IGF2R: variants seen among roughly 807,000 people sequenced by gnomAD.
The protein encoded by IGF2R is insulin like growth factor 2 receptor, also known as cation-independent mannose-6-phosphate receptor.
In IGF2R, 91 loss-of-function variants were observed where a neutral mutation model predicts 270.6. The observed-to-expected ratio is 0.34, with a 90% CI of 0.28 to 0.40. The LOEUF is 0.40. IGF2R is among the 10% of genes least tolerant of loss of function. IGF2R has a pLI of 1.00. For synonymous variants in IGF2R, 1,316 were observed against 1,258.9 expected, an observed-to-expected ratio of 1.05 and a Z score of -0.96; for missense variants, 2,805 against 3,188.3, an observed-to-expected ratio of 0.88 and a Z score of 2.90.
intron 2 of IGF2R, among the ~76,000 whole-genome samples, chr6:159,993,840 AT>A (rs1052852558): frequency 2.0e-5 from 3 of 152,064 alleles, no homozygotes; most frequent in Non-Finnish European, 4.4e-5. Flanking sequence ...AACAATACTA[AT>A]TCTTCTAGGC....
At chr6:160,056,948 G>T (rs1170996500) in intron 20 of IGF2R, among the ~76,000 whole-genome samples, 1 of 152,182 alleles carries the variant, frequency 6.6e-6, no homozygotes, top group Non-Finnish European at 1.5e-5. Context: ...AGCACAGCCT[G>T]CAGGTGTTAA....
intron 1 of IGF2R, among the ~76,000 whole-genome samples, chr6:159,982,031 A>G (rs111566128): frequency 6.6e-6 from 1 of 152,200 alleles, no homozygotes; most frequent in African/African-American, 2.4e-5. Flanking sequence ...TACTTCCTAT[A>G]TAAGCTCTGG....
intron 20 of IGF2R, 139 bp downstream of exon 20, chr6:160,056,664 C>G (rs1778323959): frequency 1.5e-6 from 1 of 651,394 alleles, no homozygotes; most frequent in Non-Finnish European, 2.8e-6. Context: ...TGGGTGTCTG[C>G]AGGTCACCCA....
intron 4 of IGF2R, among the ~76,000 whole-genome samples, chr6:160,022,396 AAAAC>A (rs376140073): frequency 5.4e-4 from 82 of 152,204 alleles, no homozygotes; most frequent in African/African-American, 1.5e-3. Context: ...AAATCTAAAT[AAAAC>A]AAACAAAGAG....
intron 19 of IGF2R, among the ~76,000 whole-genome samples, chr6:160,055,621 C>G (rs1200172784): frequency 6.6e-6 from 1 of 152,110 alleles, no homozygotes; most frequent in Non-Finnish European, 1.5e-5. Flanking sequence ...CCTTGACGGC[C>G]AAGGGTGTGG....
chr6:160,060,324 A>C (rs1289366661), intron 22 of IGF2R, among the ~76,000 whole-genome samples: 2 of 152,270 alleles, frequency 1.3e-5, no homozygotes, highest in Non-Finnish European at 2.9e-5. Flanking sequence ...CCACTGTTGC[A>C]GTGAGTGTGT....
chr6:159,996,480 G>T (rs1477526391), intron 2 of IGF2R, among the ~76,000 whole-genome samples: 1 of 152,170 alleles, frequency 6.6e-6, no homozygotes, highest in South Asian at 2.1e-4. Flanking sequence ...TGAACTGCCA[G>T]TTCTTCTCTT....
Position 160,045,774 on chromosome 6 carries a change from A to C in IGF2R, c.1795A>C (p.Thr599Pro). 1 of 1,614,130 alleles carries C rather than the reference A, an allele frequency of 6.2e-7. No individual in the cohort carries two copies. Among genetic ancestry groups the C allele is most frequent in the Non-Finnish European group, 8.5e-7 (1 of 1,180,010 alleles). Reference sequence around the variant, plus strand: ...TCTGGAAAGTGCACCAGTGTTGAGAACTTCTGGGGAAGGCGGTTGCTTTTA... The same window carrying C: ...TCTGGAAAGTGCACCAGTGTTGAGACCTTCTGGGGAAGGCGGTTGCTTTTA... ...GDLESAPVLR[T>P]SGEGGCFYEF... Residue 599 changes from threonine (T) to proline (P), a missense_variant, in exon 14 of 48, where the codon ACT becomes CCT. Physicochemically the swap from Thr to Pro is conservative, Grantham distance 38. Around this residue, in one of 2 missense-constraint regions of IGF2R, gnomAD observed 954 missense variants for 981.1 expected, o/e 0.97. Coordinates refer to ENST00000356956, the MANE Select transcript of IGF2R (RefSeq NM_000876.4).
intron 1 of IGF2R, among the ~76,000 whole-genome samples, chr6:159,979,585 G>A (rs1370467411): frequency 6.6e-6 from 1 of 152,222 alleles, no homozygotes; most frequent in Non-Finnish European, 1.5e-5. Flanking sequence ...CGGGGGTTGG[G>A]CCCTGAGGAT....
At chr6:159,980,834 C>T (rs1783788698) in intron 1 of IGF2R, among the ~76,000 whole-genome samples, 1 of 152,188 alleles carries the variant, frequency 6.6e-6, no homozygotes, top group Non-Finnish European at 1.5e-5. Context: ...TCCTTAAAGG[C>T]GGTTGGCCTC....
Position 160,027,199 on chromosome 6 carries a change from C to G in IGF2R, c.661C>G (p.Pro221Ala). The change falls in exon 6 of 48, where the codon CCA becomes GCA. Residue 221 changes from proline (P) to alanine (A), a missense_variant. By Grantham distance (27) the Pro-to-Ala change is conservative (BLOSUM62 -1). Transcript: ENST00000356956. The stretch of plus-strand genomic sequence containing the variant: ...ATGATTTTCAGACACACTACGAGAC[C>G]CAGGTTCACAGCTGCGGGCCTGTCC... ...VCRDIDTLRD[P>A]GSQLRACPPG... The G allele has an allele frequency of 6.2e-7, 1 of 1,614,216 alleles. No homozygotes were observed.
chr6:159,989,942 A>G (rs1373455203), intron 1 of IGF2R, among the ~76,000 whole-genome samples: 1 of 152,178 alleles, frequency 6.6e-6, no homozygotes, highest in Non-Finnish European at 1.5e-5. Context: ...GCAATAACTC[A>G]CTATCTGCTT....
At chr6:160,076,734 C>T (rs1403361932) in intron 36 of IGF2R, among the ~76,000 whole-genome samples, 1 of 152,222 alleles carries the variant, frequency 6.6e-6, no homozygotes, top group Non-Finnish European at 1.5e-5. Flanking sequence ...CTTGGGGCTC[C>T]TTTGACATGA....
chr6:160,070,276 C>T (rs1280060940), intron 31 of IGF2R, among the ~76,000 whole-genome samples: 3 of 152,152 alleles, frequency 2.0e-5, no homozygotes, highest in Non-Finnish European at 4.4e-5. Flanking sequence ...TGGCAGTTCC[C>T]GACTCAGAAT....
Position 160,061,887 on chromosome 6 carries a change from C to T in IGF2R, c.3541C>T (p.Arg1181Cys), listed in dbSNP as rs201023219. ...CAACGGTGACAAGTGTGGGAACCAG[C>T]GCTTCTCCACCAGGATCACGTTTGA... is the stretch of plus-strand genomic sequence containing the variant. Reference protein sequence around the residue: ...YVNGDKCGNQRFSTRITFECA... With the variant: ...YVNGDKCGNQCFSTRITFECA... The change falls in exon 25 of 48, where the codon CGC becomes TGC. Residue 1181 changes from arginine (R) to cysteine (C), a missense_variant. Coordinates refer to ENST00000356956, the MANE Select transcript of IGF2R (RefSeq NM_000876.4). The T allele has an allele frequency of 6.8e-6, 11 of 1,613,990 alleles. No individual in the cohort carries two copies. The highest frequency in any genetic ancestry group is 1.6e-4 in the Middle Eastern group (1 of 6,084).
At chr6:159,995,874 CTT>C (rs1300702976) in intron 2 of IGF2R, among the ~76,000 whole-genome samples, 12 of 126,350 alleles carry the variant, frequency 9.5e-5, no homozygotes, top group South Asian at 2.6e-4. Context: ...TAGTGTGAGT[CTT>C]TGGGGATGTT....
rs1011954415 is a variant in IGF2R at position 160,050,792 on chromosome 6, G to A, written c.2694+140G>A. 7.2e-5 allele frequency: 48 copies of A among 666,866 alleles called. No homozygotes were observed. The Middle Eastern group carries it at 1.2e-3, about 17-fold the overall frequency. The allele number at this position is 666,866 out of a possible 1,614,324, so 41.3% of individuals were successfully genotyped here. On this transcript the variant is annotated intron_variant, in intron 19 of 47. Coordinates refer to ENST00000356956, the MANE Select transcript of IGF2R (RefSeq NM_000876.4). The surrounding 1 kb of genome is among the most constrained non-coding windows in gnomAD (Gnocchi z 4.0). Reference sequence around the variant, plus strand: ...TTAGTTCTGCTTAAGGTCAGTGTGCGGTATATATGTTCACAGGCAGGGAGT... The same window carrying A: ...TTAGTTCTGCTTAAGGTCAGTGTGCAGTATATATGTTCACAGGCAGGGAGT...
At chr6:159,986,430 GT>G (rs5741634) in intron 1 of IGF2R, among the ~76,000 whole-genome samples, 21,283 of 116,254 alleles carry the variant, frequency 0.18, 2,040 homozygotes, top group East Asian at 0.52. Context: ...GTGTGTGTGT[GT>G]TTTTTTTTTT....
chr6:160,056,610 C>T (rs1234166032), intron 20 of IGF2R, 85 bp downstream of exon 20: 5 of 869,806 alleles, frequency 5.7e-6, no homozygotes, highest in Non-Finnish European at 9.8e-6. Flanking sequence ...CTGAACCGAC[C>T]CCTGCCCCTT....
Sources: allele counts gnomAD v4.1 joint callset (sites outside exome capture counted in the v4.1 genomes callset), GRCh38; gene constraint gnomAD v4.1.1; regional missense constraint gnomAD v4.1.1; non-coding constraint Gnocchi (gnomAD v3.1); transcripts MANE v1.5; gene names NCBI Gene and HGNC (gene_info 2026-07-23, HGNC 2026-07-21).